The following SPATA17 variants were observed in gnomAD, a reference collection of about 807,000 sequenced individuals.
SPATA17 encodes spermatogenesis-associated protein 17.
In SPATA17, 53 loss-of-function variants were observed where a neutral mutation model predicts 62.2. The ratio of observed to expected loss-of-function variants is 0.85; its 90% CI spans 0.68 to 1.07. The LOEUF (loss-of-function observed/expected upper bound fraction) is 1.07. Ranked by LOEUF, SPATA17 falls within the 50% of genes least tolerant of loss-of-function variation. The probability of loss-of-function intolerance (pLI) is 0.00; values close to 1 mark genes in which losing one functional copy is unlikely to be tolerated. For synonymous variants in SPATA17, 146 were observed against 146.8 expected (o/e 0.99, Z 0.04); for missense variants, 466 against 425.5 (o/e 1.10, Z -0.84).
At chr1:217,697,330 C>T (rs1158471727) in intron 5 of SPATA17, among the ~76,000 whole-genome samples, 5 of 152,182 alleles carry the variant, frequency 3.3e-5, no homozygotes, top group African/African-American at 1.2e-4. Flanking sequence ...ATTTTCATCA[C>T]TTTCTTGGAA....
At chr1:217,818,249 G>T (rs1459644086) in intron 9 of SPATA17, among the ~76,000 whole-genome samples, 1 of 151,758 alleles carries the variant, frequency 6.6e-6, no homozygotes, top group African/African-American at 2.4e-5. Context: ...GTTGTATTCA[G>T]TTACCATCCT....
chr1:217,670,509 A>G (rs964999724), intron 4 of SPATA17, among the ~76,000 whole-genome samples: 1 of 152,224 alleles, frequency 6.6e-6, no homozygotes. Flanking sequence ...GTCCCTTGGA[A>G]GGCAGTTTTT....
intron 1 of SPATA17, among the ~76,000 whole-genome samples, chr1:217,647,492 G>A (rs1670210294): frequency 6.6e-6 from 1 of 152,150 alleles, no homozygotes; most frequent in Admixed American, 6.5e-5. Context: ...AAATAGATAA[G>A]ACTACTTCCT....
intron 7 of SPATA17, among the ~76,000 whole-genome samples, chr1:217,777,667 G>C (rs80313213): frequency 0.11 from 17,206 of 152,058 alleles, 1,227 homozygotes; most frequent in Non-Finnish European, 0.16. Flanking sequence ...CTCCTAAAGT[G>C]CTGGGATTAC....
At position 217,749,943 on chromosome 1, in the gene SPATA17, T is replaced by TTCTCTCTCTCTCTCTC. The variant is rs1188300100; in HGVS notation, c.519+7873_519+7888dup. Among the ~76,000 whole-genome samples the TTCTCTCTCTCTCTCTC allele has an allele frequency of 1.9e-4, 8 of 41,464 alleles. 1 individual carries two copies. The highest frequency in any genetic ancestry group is 2.8e-4 in the Non-Finnish European group (6 of 21,614). The allele number at this position is 41,464 out of a possible 152,430, so 27.2% of individuals were successfully genotyped here. A position where few individuals can be genotyped will look rare whatever the true frequency, so the allele number is the denominator to read the frequency against. On this transcript the variant is annotated intron_variant, in intron 6 of 10. Transcript: ENST00000366933. ...TATCCTAGAGAAATTTGTCATAAGA[T>TTCTCTCTCTCTCTCTC]TCTCTCTCTCTCTCTCTCTCTCTCT...
At chr1:217,743,737 G>A (rs1243297992) in intron 6 of SPATA17, among the ~76,000 whole-genome samples, 2 of 152,004 alleles carry the variant, frequency 1.3e-5, no homozygotes, top group African/African-American at 4.8e-5. Flanking sequence ...AGCCTCCAGA[G>A]TAGCTGAGAT....
intron 9 of SPATA17, among the ~76,000 whole-genome samples, chr1:217,830,433 C>T (rs965489717): frequency 8.5e-5 from 13 of 152,132 alleles, no homozygotes; most frequent in Non-Finnish European, 1.0e-4. Context: ...CTGAACATCT[C>T]CTCGACTCAA....
intron 8 of SPATA17, among the ~76,000 whole-genome samples, chr1:217,799,186 A>G (rs964966549): frequency 2.6e-5 from 4 of 152,150 alleles, no homozygotes; most frequent in African/African-American, 7.2e-5. Flanking sequence ...ATGCACATAT[A>G]TATGTACAAT....
chr1:217,633,196 T>TCAAA (rs1669857858), intron 1 of SPATA17, among the ~76,000 whole-genome samples: 1 of 98,592 alleles, frequency 1.0e-5, no homozygotes, highest in South Asian at 3.7e-4. Context: ...AGACTCTGTC[T>TCAAA]CAAATAAATA....
chr1:217,829,415 G>C (rs969513237), intron 9 of SPATA17, among the ~76,000 whole-genome samples: 1 of 151,618 alleles, frequency 6.6e-6, no homozygotes, highest in Non-Finnish European at 1.5e-5. Flanking sequence ...ATCATCTGAG[G>C]TCAGGAGTTC....
At chr1:217,709,077 A>C (rs575733038) in intron 5 of SPATA17, among the ~76,000 whole-genome samples, 1 of 152,284 alleles carries the variant, frequency 6.6e-6, no homozygotes, top group Admixed American at 6.5e-5. Flanking sequence ...ACCAGCTTTA[A>C]ATATTTTAAA....
At chr1:217,802,315 G>T (rs1674332691) in intron 9 of SPATA17, among the ~76,000 whole-genome samples, 1 of 152,170 alleles carries the variant, frequency 6.6e-6, no homozygotes, top group Non-Finnish European at 1.5e-5. Context: ...ATATGTATAT[G>T]TGCAACTCCT....
At chr1:217,679,049 A>G (rs2102903357) in intron 4 of SPATA17, among the ~76,000 whole-genome samples, 1 of 152,316 alleles carries the variant, frequency 6.6e-6, no homozygotes, top group Non-Finnish European at 1.5e-5. Flanking sequence ...TCAACAGAAT[A>G]GGCAAAATTT....
At position 217,856,051 on chromosome 1, in the gene SPATA17, A is replaced by C. The variant is rs1346159725; in HGVS notation, c.1006-6723A>C. 2.0e-5 allele frequency among the ~76,000 whole-genome samples: 3 copies of C among 152,090 alleles called. No homozygotes were observed. In the East Asian group the frequency reaches 5.8e-4, roughly 29 times the overall value. ...ACAGATGGAACTATTAAGAAGGAAG[A>C]TACAGTATATAAAAACAGGAAAAGA... is the stretch of plus-strand genomic sequence containing the variant. On this transcript the variant is annotated intron_variant, in intron 9 of 10. Coordinates refer to ENST00000366933, the MANE Select transcript of SPATA17 (RefSeq NM_138796.4).
At chr1:217,797,106 G>A (rs1558054922) in intron 8 of SPATA17, among the ~76,000 whole-genome samples, 3 of 151,920 alleles carry the variant, frequency 2.0e-5, no homozygotes, top group South Asian at 4.1e-4. Flanking sequence ...CCAATTACAC[G>A]TTCTTTCGAA....
At chr1:217,687,793 G>T (rs1252958923) in intron 5 of SPATA17, among the ~76,000 whole-genome samples, 3 of 152,064 alleles carry the variant, frequency 2.0e-5, no homozygotes. Flanking sequence ...TTTGTTTTAG[G>T]TATTCTCTTA....
chr1:217,633,517 A>T (rs77415493), intron 1 of SPATA17, among the ~76,000 whole-genome samples: 20,950 of 152,216 alleles, frequency 0.14, 1,594 homozygotes, highest in Non-Finnish European at 0.18. Flanking sequence ...AGGCCAGGGC[A>T]GGCGGATGTC....
chr1:217,827,816 A>G (rs541315866), intron 9 of SPATA17, among the ~76,000 whole-genome samples: 7 of 152,144 alleles, frequency 4.6e-5, no homozygotes, highest in Admixed American at 4.6e-4. Flanking sequence ...CTCACTCATA[A>G]GTGATAGCTG....
intron 9 of SPATA17, among the ~76,000 whole-genome samples, chr1:217,827,137 A>T (rs1675017823): frequency 6.6e-6 from 1 of 152,064 alleles, no homozygotes; most frequent in Admixed American, 6.6e-5. Flanking sequence ...AGCCATTTGG[A>T]AAAACTGATA....
Sources: allele counts gnomAD v4.1 joint callset (sites outside exome capture counted in the v4.1 genomes callset), GRCh38; gene constraint gnomAD v4.1.1; transcripts MANE v1.5; gene names NCBI Gene and HGNC (gene_info 2026-07-23, HGNC 2026-07-21).